The following DENND2A variants were observed in gnomAD, a reference collection of about 807,000 sequenced individuals.
DENND2A encodes the protein DENN domain containing 2A, also known as DENN domain-containing protein 2A.
DENND2A carries 53 observed loss-of-function variants against 105.3 expected under a neutral mutation model. The observed-to-expected ratio is 0.50, with a 90% CI of 0.40 to 0.63. The LOEUF is 0.63. Ranked by LOEUF, DENND2A falls within the 30% of genes least tolerant of loss-of-function variation. The probability of loss-of-function intolerance (pLI) is 0.00; values close to 1 mark genes in which losing one functional copy is unlikely to be tolerated. For missense variants in DENND2A, 1,138 were observed against 1,279.6 expected (o/e 0.89, Z 1.69); for synonymous variants, 522 against 508.4 (o/e 1.03, Z -0.36).
chr7:140,590,139 C>A (rs923129898), intron 3 of DENND2A, among the ~76,000 whole-genome samples: 2 of 152,072 alleles, frequency 1.3e-5, no homozygotes, highest in Non-Finnish European at 2.9e-5. Context: ...TCTGTAATTC[C>A]AGCACTTTGG....
chr7:140,567,306 G>GAGAGAA, intron 8 of DENND2A, 33 bp from the exon 9 acceptor site: 1 of 466,602 alleles, frequency 2.1e-6, no homozygotes, highest in African/African-American at 2.9e-5. Context: ...AAGAGAGAAA[G>GAGAGAA]AGAGAGAGAG....
chr7:140,604,676 G>A (rs1799629534), intron 2 of DENND2A, among the ~76,000 whole-genome samples: 1 of 152,204 alleles, frequency 6.6e-6, no homozygotes, highest in Non-Finnish European at 1.5e-5. Context: ...CTACAACGTG[G>A]TTATTAATGT....
Position 140,518,630 on chromosome 7 carries a change from C to T in DENND2A, c.*77G>A. ...GCACCGTGACAACCTGGGACCCAGCCTTTCAGAAAGGCCACCAGGAACTGT... is the reference window on the plus strand; with the variant it reads ...GCACCGTGACAACCTGGGACCCAGCTTTTCAGAAAGGCCACCAGGAACTGT... On this transcript the variant is annotated 3_prime_UTR_variant, in exon 20 of 20. Coordinates refer to ENST00000496613, the MANE Select transcript of DENND2A (RefSeq NM_015689.5). The T allele has an allele frequency of 8.6e-6, 13 of 1,506,582 alleles. No individual in the cohort carries two copies. The South Asian group carries it at 1.4e-4, about 16-fold the overall frequency. The allele number at this position is 1,506,582 out of a possible 1,614,324, so 93.3% of individuals were successfully genotyped here.
At chr7:140,520,096 G>C (rs145646774) in intron 18 of DENND2A, among the ~76,000 whole-genome samples, 1,705 of 152,224 alleles carry the variant, frequency 0.011, 38 homozygotes, top group African/African-American at 0.038. Context: ...CTGAGATCAG[G>C]AGTTCGAGGC....
chr7:140,565,894 A>G (rs1797816443), intron 9 of DENND2A, among the ~76,000 whole-genome samples: 4 of 152,026 alleles, frequency 2.6e-5, no homozygotes, highest in African/African-American at 4.8e-5. Flanking sequence ...TCACTGCTAC[A>G]CTCCCACCAG....
At chr7:140,562,388 G>A (rs538552644) in intron 9 of DENND2A, among the ~76,000 whole-genome samples, 2 of 151,948 alleles carry the variant, frequency 1.3e-5, no homozygotes, top group Non-Finnish European at 2.9e-5. Context: ...TGGCTGGGGC[G>A]TGGTGGCTCA....
intron 5 of DENND2A, among the ~76,000 whole-genome samples, chr7:140,576,058 CATT>C (rs1231544179): frequency 3.3e-5 from 5 of 150,962 alleles, no homozygotes; most frequent in African/African-American, 9.7e-5. Context: ...ATTTTTACAT[CATT>C]GACATTTTTT....
chr7:140,545,914 T>C (rs1481495746), intron 13 of DENND2A, among the ~76,000 whole-genome samples: 1 of 152,190 alleles, frequency 6.6e-6, no homozygotes, highest in African/African-American at 2.4e-5. Flanking sequence ...TCAGGTTCTC[T>C]AGCAACACAG....
intron 14 of DENND2A, among the ~76,000 whole-genome samples, chr7:140,540,495 G>A (rs1796618990): frequency 6.6e-6 from 1 of 152,244 alleles, no homozygotes; most frequent in African/African-American, 2.4e-5. Context: ...TCCCAGAGCA[G>A]GGCAGGGAGG....
intron 14 of DENND2A, among the ~76,000 whole-genome samples, chr7:140,531,785 A>G (rs2130482606): frequency 6.7e-6 from 1 of 150,308 alleles, no homozygotes; most frequent in Non-Finnish European, 1.5e-5. Flanking sequence ...ATTGCACCCC[A>G]GGCTGGGCAA....
At chr7:140,571,506 C>T (rs910983764) in intron 6 of DENND2A, among the ~76,000 whole-genome samples, 5 of 152,172 alleles carry the variant, frequency 3.3e-5, no homozygotes, top group Non-Finnish European at 5.9e-5. Context: ...TTGTCTGGCC[C>T]TCTTTGCTTC....
In DENND2A at chr7:140,573,917, G is replaced by C; in HGVS notation, c.1337C>G (p.Thr446Ser). The change falls in exon 6 of 20, where the codon ACT (threonine) becomes AGT (serine). Residue 446 changes from threonine to serine, a missense_variant. Transcript: ENST00000496613. Reference sequence around the variant, plus strand: ...AGGGCTGATTTTGGAAGGGGACCCAGTTCCATCCCGACTCAGCTTCCTAGT... The same window carrying C: ...AGGGCTGATTTTGGAAGGGGACCCACTTCCATCCCGACTCAGCTTCCTAGT... ...LDTRKLSRDG[T>S]GSPSKISPPS... The C allele has an allele frequency of 6.2e-7, 1 of 1,614,184 alleles. No individual in the cohort carries two copies. Among genetic ancestry groups the C allele is most frequent in the Non-Finnish European group, 8.5e-7 (1 of 1,180,038 alleles).
intron 14 of DENND2A, among the ~76,000 whole-genome samples, chr7:140,540,074 GA>G (rs1796605502): frequency 1.3e-5 from 2 of 152,234 alleles, no homozygotes; most frequent in Non-Finnish European, 2.9e-5. Flanking sequence ...AAACCTCCCT[GA>G]GTGATGGCGG....
Position 140,635,410 on chromosome 7 carries a change from G to C in DENND2A, c.-248+5094C>G, listed in dbSNP as rs1800886907. 1.3e-5 allele frequency among the ~76,000 whole-genome samples: 2 copies of C among 152,070 alleles called. 1 individual carries two copies. Among genetic ancestry groups the C allele is most frequent in the South Asian group, 4.1e-4 (2 of 4,824 alleles). On this transcript the variant is annotated intron_variant, in intron 1 of 19. Transcript: ENST00000496613. ...AAAACAACAAAAGGAAATGCATTTG[G>C]CATTCTGCTTGAAGTGGTCTGATAA...
chr7:140,592,046 T>C (rs1356376000), intron 3 of DENND2A, among the ~76,000 whole-genome samples: 8 of 128,620 alleles, frequency 6.2e-5, no homozygotes, highest in East Asian at 5.0e-4. Context: ...TCTTCTTCTT[T>C]TTTTTTTTTT....
chr7:140,567,310 G>GAGAGAGAC (rs1212336501), intron 8 of DENND2A, 37 bp from the exon 9 acceptor site: 1 of 1,161,682 alleles, frequency 8.6e-7, no homozygotes, highest in African/African-American at 1.8e-5. Context: ...GAGAAAGAGA[G>GAGAGAGAC]AGAGAGAGAG....
intron 1 of DENND2A, among the ~76,000 whole-genome samples, chr7:140,613,661 C>T (rs1387710774): frequency 7.4e-6 from 1 of 135,362 alleles, no homozygotes; most frequent in African/African-American, 3.3e-5. Context: ...GAGCAGCCAC[C>T]CTTAAAATTA....
In DENND2A at chr7:140,557,532, T is replaced by TATATATATATA. The variant is rs71173208; in HGVS notation, c.1959+610_1959+611insTATATATATAT. The stretch of plus-strand genomic sequence containing the variant: ...TAGTATATATATATATATATATATA[T>TATATATATATA]TTTTTTTTTTTTTTTTTTTTTTTTT... On this transcript the variant is annotated intron_variant, in intron 11 of 19. Transcript: ENST00000496613. Among the ~76,000 whole-genome samples the TATATATATATA allele has an allele frequency of 2.8e-4, 4 of 14,274 alleles. 1 individual carries two copies. The East Asian group carries it at 0.027, about 96-fold the overall frequency. 9.4% of individuals were successfully genotyped at this position (14,274 alleles called of 152,430 possible).
At chr7:140,605,549 T>A (rs1037720399) in intron 2 of DENND2A, among the ~76,000 whole-genome samples, 156 bp downstream of exon 2, 8 of 152,186 alleles carry the variant, frequency 5.3e-5, no homozygotes, top group Admixed American at 1.3e-4. Context: ...AAGCCTTAAA[T>A]GAATGCAGTG....
Sources: allele counts gnomAD v4.1 joint callset (sites outside exome capture counted in the v4.1 genomes callset), GRCh38; gene constraint gnomAD v4.1.1; transcripts MANE v1.5; gene names NCBI Gene and HGNC (gene_info 2026-07-23, HGNC 2026-07-21).